Variants in NDFIP2 observed in about 807,000 individuals in gnomAD.
NDFIP2 encodes Nedd4 family interacting protein 2.
A neutral mutation model predicts 36.0 loss-of-function variants in NDFIP2; 19 were observed. The ratio of observed to expected loss-of-function variants is 0.53; its 90% CI spans 0.37 to 0.77. The LOEUF (loss-of-function observed/expected upper bound fraction) is 0.77, where lower values mean the gene tolerates loss of function less well. Ranked by LOEUF, NDFIP2 falls within the 30% of genes least tolerant of loss-of-function variation. The pLI, the probability that NDFIP2 is intolerant of heterozygous loss-of-function variation, is 0.00. For missense variants in NDFIP2, 446 were observed against 435.8 expected (o/e 1.02, Z -0.21); for synonymous variants, 181 against 167.7 (o/e 1.08, Z -0.61).
intron 2 of NDFIP2, among the ~76,000 whole-genome samples, chr13:79,525,643 C>T (rs1007871501): frequency 1.3e-5 from 2 of 152,080 alleles, no homozygotes; most frequent in Non-Finnish European, 2.9e-5. Flanking sequence ...GTGTTGACAG[C>T]GTGTATACAC....
chr13:79,508,408 TAAAG>T (rs1286583674), intron 1 of NDFIP2, among the ~76,000 whole-genome samples: 2 of 152,230 alleles, frequency 1.3e-5, no homozygotes, highest in Non-Finnish European at 2.9e-5. Context: ...ATTAGAGAAG[TAAAG>T]AATCAAAAGA....
intron 1 of NDFIP2, among the ~76,000 whole-genome samples, chr13:79,511,016 A>T (rs1446572240): frequency 6.6e-6 from 1 of 150,732 alleles, no homozygotes; most frequent in African/African-American, 2.4e-5. Context: ...AAAAAAAAAA[A>T]GGTGGCCTTG....
At chr13:79,506,763 T>C (rs1010966473) in intron 1 of NDFIP2, among the ~76,000 whole-genome samples, 3 of 152,110 alleles carry the variant, frequency 2.0e-5, no homozygotes, top group Non-Finnish European at 4.4e-5. Flanking sequence ...TGCTTACATA[T>C]AGACAGACAG....
chr13:79,502,654 A>G (rs186636090), intron 1 of NDFIP2, among the ~76,000 whole-genome samples: 27 of 152,298 alleles, frequency 1.8e-4, no homozygotes, highest in Admixed American at 1.5e-3. Context: ...TTTAAATAGT[A>G]TGAGGACTGA....
chr13:79,539,447 T>C (rs900386281), intron 3 of NDFIP2, among the ~76,000 whole-genome samples: 60 of 152,344 alleles, frequency 3.9e-4, no homozygotes, highest in African/African-American at 1.4e-3. Flanking sequence ...TTTGATGTTA[T>C]TCATCTTTTA....
chr13:79,540,084 A>T (rs1875397844), intron 4 of NDFIP2, among the ~76,000 whole-genome samples: 1 of 152,232 alleles, frequency 6.6e-6, no homozygotes, highest in African/African-American at 2.4e-5. Flanking sequence ...ATTGGTGCCC[A>T]TTCAGCTCTG....
chr13:79,534,361 T>TG (rs1459528426), intron 3 of NDFIP2, among the ~76,000 whole-genome samples: 1 of 148,772 alleles, frequency 6.7e-6, no homozygotes, highest in African/African-American at 2.5e-5. Context: ...TTTTTTTTTT[T>TG]TTTTTTTTTT....
At chr13:79,531,086 A>G (rs1308052940) in intron 2 of NDFIP2, among the ~76,000 whole-genome samples, 2 of 152,220 alleles carry the variant, frequency 1.3e-5, no homozygotes, top group Non-Finnish European at 2.9e-5. Context: ...CATGGGCTGC[A>G]AAATGGATGT....
chr13:79,482,937 C>G (rs1441856300), intron 1 of NDFIP2, among the ~76,000 whole-genome samples: 1 of 152,064 alleles, frequency 6.6e-6, no homozygotes, highest in Non-Finnish European at 1.5e-5. Context: ...TAAATGTTAG[C>G]AAAAATAAAA....
chr13:79,510,773 C>T (rs913325257), intron 1 of NDFIP2, among the ~76,000 whole-genome samples: 3 of 151,806 alleles, frequency 2.0e-5, no homozygotes, highest in African/African-American at 7.3e-5. Context: ...CTGAGGCAGG[C>T]GGATCACCTG....
chr13:79,550,678 G>A (rs755380513), intron 6 of NDFIP2, among the ~76,000 whole-genome samples: 3 of 151,412 alleles, frequency 2.0e-5, no homozygotes, highest in Admixed American at 6.6e-5. Context: ...TTGAGCCCAT[G>A]GGTTCAATGG....
At chr13:79,482,317 A>G (rs2079820169) in intron 1 of NDFIP2, among the ~76,000 whole-genome samples, 1 of 152,020 alleles carries the variant, frequency 6.6e-6, no homozygotes. Context: ...CTATGTTGAA[A>G]AAAGTGAAAT....
At chr13:79,546,045 T>C (rs1297082202) in intron 5 of NDFIP2, among the ~76,000 whole-genome samples, 1 of 152,220 alleles carries the variant, frequency 6.6e-6, no homozygotes, top group African/African-American at 2.4e-5. Flanking sequence ...CAGTTTTTAA[T>C]GTGAATTGAC....
intron 3 of NDFIP2, among the ~76,000 whole-genome samples, chr13:79,535,378 A>T (rs2137103981): frequency 6.6e-6 from 1 of 152,262 alleles, no homozygotes; most frequent in African/African-American, 2.4e-5. Flanking sequence ...AGTTGATTTT[A>T]CCCCTTTTGA....
rs118089434 is a variant in NDFIP2, at chr13:79,513,686, C to G, written c.322-7124C>G. Among the ~76,000 whole-genome samples, 5 of 151,516 alleles carry G rather than the reference C, an allele frequency of 3.3e-5. No individual in the cohort carries two copies. The East Asian group carries it at 9.7e-4, about 29-fold the overall frequency. Reference sequence around the variant, plus strand: ...TGTCAACCCAGCACACTCATGTTTTCCTCTCCTTTATGTTAGTTTTTTTCT... The same window carrying G: ...TGTCAACCCAGCACACTCATGTTTTGCTCTCCTTTATGTTAGTTTTTTTCT... On this transcript the variant is annotated intron_variant, in intron 1 of 7. Coordinates refer to ENST00000218652, the MANE Select transcript of NDFIP2 (RefSeq NM_019080.3).
intron 1 of NDFIP2, among the ~76,000 whole-genome samples, chr13:79,515,835 T>G (rs1438415778): frequency 6.7e-6 from 1 of 149,204 alleles, no homozygotes; most frequent in African/African-American, 2.5e-5. Context: ...CTCTGCTATT[T>G]GATTTTATTG....
chr13:79,484,952 A>G (rs540709130), intron 1 of NDFIP2, among the ~76,000 whole-genome samples: 5 of 152,212 alleles, frequency 3.3e-5, no homozygotes, highest in Non-Finnish European at 5.9e-5. Flanking sequence ...AGACTGGTAC[A>G]TGATAAATAA....
intron 2 of NDFIP2, among the ~76,000 whole-genome samples, chr13:79,524,155 A>C (rs1413097226): frequency 2.0e-5 from 3 of 152,058 alleles, no homozygotes; most frequent in Non-Finnish European, 4.4e-5. Flanking sequence ...AGATGACTCT[A>C]ATTCTTCCAT....
intron 1 of NDFIP2, among the ~76,000 whole-genome samples, chr13:79,493,983 G>C (rs1873343086): frequency 6.6e-6 from 1 of 152,012 alleles, no homozygotes; most frequent in Non-Finnish European, 1.5e-5. Flanking sequence ...CCTTTATCTT[G>C]TAAGTTTTTC....
Sources: allele counts gnomAD v4.1 joint callset (sites outside exome capture counted in the v4.1 genomes callset), GRCh38; gene constraint gnomAD v4.1.1; transcripts MANE v1.5; gene names NCBI Gene and HGNC (gene_info 2026-07-23, HGNC 2026-07-21).